NR5A2: variants seen among roughly 807,000 people sequenced by gnomAD.
NR5A2 encodes the protein CYP7A promoter-binding factor.
In NR5A2, 26 loss-of-function variants were observed where a neutral mutation model predicts 62.7. The observed-to-expected ratio is 0.41, with a 90% CI of 0.30 to 0.58. The LOEUF (loss-of-function observed/expected upper bound fraction) is 0.58, where lower values mean the gene tolerates loss of function less well. NR5A2 is among the 20% of genes least tolerant of loss of function. NR5A2 has a pLI of 0.22. For missense variants in NR5A2, 541 were observed against 669.1 expected (o/e 0.81, Z 2.11); for synonymous variants, 246 against 241.7 (o/e 1.02, Z -0.16).
chr1:200,098,302 A>C (rs1453912816), intron 5 of NR5A2, among the ~76,000 whole-genome samples: 2 of 152,196 alleles, frequency 1.3e-5, no homozygotes, highest in African/African-American at 2.4e-5. Flanking sequence ...TTATGTCCAG[A>C]TAATTCCAAG....
intron 5 of NR5A2, among the ~76,000 whole-genome samples, chr1:200,051,297 G>A (rs1268689548): frequency 2.1e-5 from 3 of 141,154 alleles, no homozygotes; most frequent in Non-Finnish European, 4.6e-5. Context: ...AAGGAAACAT[G>A]AAGTAAATAC....
At chr1:200,067,477 A>T (rs1462690583) in intron 5 of NR5A2, among the ~76,000 whole-genome samples, 2 of 152,122 alleles carry the variant, frequency 1.3e-5, no homozygotes, top group African/African-American at 4.8e-5. Flanking sequence ...AGTTGCTTGA[A>T]CCTGGGAGGT....
At chr1:200,062,042 T>C (rs12095728) in intron 5 of NR5A2, among the ~76,000 whole-genome samples, 6,077 of 152,310 alleles carry the variant, frequency 0.04, 344 homozygotes, top group African/African-American at 0.13. Context: ...GTAGACATCT[T>C]TGCTTTACTT....
At chr1:200,125,727 T>C (rs7545380) in intron 7 of NR5A2, among the ~76,000 whole-genome samples, 2,802 of 152,310 alleles carry the variant, frequency 0.018, 91 homozygotes, top group African/African-American at 0.064. Flanking sequence ...GCAAGTACTA[T>C]AATGTCTCAG....
intron 7 of NR5A2, among the ~76,000 whole-genome samples, chr1:200,143,160 A>G (rs1419290405): frequency 6.6e-6 from 1 of 152,014 alleles, no homozygotes; most frequent in Non-Finnish European, 1.5e-5. Context: ...TCTTTGCTAC[A>G]CACACTGTGC....
intron 7 of NR5A2, among the ~76,000 whole-genome samples, chr1:200,141,397 C>A (rs1667439018): frequency 6.6e-6 from 1 of 152,136 alleles, no homozygotes; most frequent in South Asian, 2.1e-4. Context: ...ATCTTTCACT[C>A]AGCAATATTC....
intron 5 of NR5A2, among the ~76,000 whole-genome samples, chr1:200,106,769 A>G (rs1012755101): frequency 3.9e-5 from 6 of 152,142 alleles, no homozygotes; most frequent in Non-Finnish European, 8.8e-5. Flanking sequence ...TTCTTAAAAA[A>G]CAAAAAATCT....
rs147807885 is a variant in NR5A2, at chr1:200,070,496, G to C, written c.1110+21678G>C. Among the ~76,000 whole-genome samples, 103 of 152,098 alleles carry C rather than the reference G, an allele frequency of 6.8e-4. No individual in the cohort carries two copies. The East Asian group carries it at 0.018, about 26-fold the overall frequency. On this transcript the variant is annotated intron_variant, in intron 5 of 7. Coordinates refer to ENST00000367362, the MANE Select transcript of NR5A2 (RefSeq NM_205860.3). Reference sequence around the variant, plus strand: ...CTTGAGCCTAAGACAAGGAGTCTCAGCATAGTGACCCTGTCTCTACAAAAA... The same window carrying C: ...CTTGAGCCTAAGACAAGGAGTCTCACCATAGTGACCCTGTCTCTACAAAAA...
intron 7 of NR5A2, among the ~76,000 whole-genome samples, chr1:200,124,153 A>G (rs1449600625): frequency 6.6e-6 from 1 of 152,116 alleles, no homozygotes; most frequent in Non-Finnish European, 1.5e-5. Context: ...GAAGGATACA[A>G]ACCAGTTATA....
At chr1:200,076,844 A>G (rs1236321982) in intron 5 of NR5A2, among the ~76,000 whole-genome samples, 4 of 152,202 alleles carry the variant, frequency 2.6e-5, no homozygotes, top group Admixed American at 2.0e-4. Context: ...TGAGATTTTC[A>G]TAAATATTAC....
rs116315671 is a variant in NR5A2 at position 200,060,549 on chromosome 1, C to T, written c.1110+11731C>T. On this transcript the variant is annotated intron_variant, in intron 5 of 7. Coordinates refer to ENST00000367362, the MANE Select transcript of NR5A2 (RefSeq NM_205860.3). ...GCAAGGTGAGTATGCATGGATCCCACGAAGTCAATGCAAAAGCAATTTGAA... is the reference window on the plus strand; with the variant it reads ...GCAAGGTGAGTATGCATGGATCCCATGAAGTCAATGCAAAAGCAATTTGAA... Among the ~76,000 whole-genome samples the T allele has an allele frequency of 8.7e-4, 132 of 152,156 alleles. 1 individual carries two copies. The highest frequency in any genetic ancestry group is 3.1e-3 in the African/African-American group (128 of 41,510).
At chr1:200,149,854 TA>T (rs1652977549) in intron 7 of NR5A2, among the ~76,000 whole-genome samples, 1 of 152,202 alleles carries the variant, frequency 6.6e-6, no homozygotes, top group Non-Finnish European at 1.5e-5. Flanking sequence ...ACATATGAAC[TA>T]CTATTCATCA....
intron 5 of NR5A2, among the ~76,000 whole-genome samples, chr1:200,084,702 A>G (rs1391970523): frequency 1.3e-5 from 2 of 152,206 alleles, no homozygotes; most frequent in Non-Finnish European, 2.9e-5. Flanking sequence ...ATGCATTTTC[A>G]TTAAAAATGC....
chr1:200,060,439 G>T (rs1038060939), intron 5 of NR5A2, among the ~76,000 whole-genome samples: 4 of 152,154 alleles, frequency 2.6e-5, no homozygotes. Flanking sequence ...CCACACAGTG[G>T]CATTTTCCAA....
At chr1:200,075,854 G>GA (rs1664005290) in intron 5 of NR5A2, among the ~76,000 whole-genome samples, 1 of 150,814 alleles carries the variant, frequency 6.6e-6, no homozygotes, top group Non-Finnish European at 1.5e-5. Flanking sequence ...TGTGAATTTA[G>GA]AAAAAATAAA....
chr1:200,112,039 G>A (rs954272176), intron 6 of NR5A2, among the ~76,000 whole-genome samples: 3 of 149,894 alleles, frequency 2.0e-5, no homozygotes, highest in Non-Finnish European at 4.4e-5. Context: ...TAAGAAACAA[G>A]CCTGTAATAT....
chr1:200,155,680 A>ATT (rs199968182), intron 7 of NR5A2, among the ~76,000 whole-genome samples: 17 of 146,386 alleles, frequency 1.2e-4, no homozygotes, highest in Admixed American at 2.1e-4. Flanking sequence ...TAATAAAAAA[A>ATT]TTTTTTTTTT....
intron 1 of NR5A2, among the ~76,000 whole-genome samples, chr1:200,032,099 A>G (rs1017042729): frequency 6.6e-6 from 1 of 152,174 alleles, no homozygotes; most frequent in Non-Finnish European, 1.5e-5. Flanking sequence ...TGCACTAGGC[A>G]GGCAAGACAA....
intron 3 of NR5A2, 80 bp from the exon 4 acceptor site, chr1:200,045,363 G>T: frequency 7.7e-7 from 1 of 1,295,972 alleles, no homozygotes; most frequent in Non-Finnish European, 1.1e-6. Context: ...AGGATTTACT[G>T]GTGATTTTCT....
Sources: gnomAD v4.1 joint callset for allele counts (sites outside exome capture counted in the v4.1 genomes callset) on GRCh38, gnomAD v4.1.1 for gene constraint, MANE v1.5 for transcripts, NCBI Gene and HGNC (gene_info 2026-07-23, HGNC 2026-07-21) for gene names.